The following ABCC12 variants were observed in gnomAD, a reference collection of about 807,000 sequenced individuals.
ABCC12 encodes ATP binding cassette subfamily C member 12.
Under a neutral mutation model 151.1 loss-of-function variants are expected in ABCC12, and 142 were observed. The observed-to-expected ratio is 0.94, with a 90% CI of 0.82 to 1.08. The LOEUF (loss-of-function observed/expected upper bound fraction) is 1.08, where lower values mean the gene tolerates loss of function less well. Among genes scored for constraint, ABCC12 ranks in the 50% least tolerant of loss-of-function variants. The pLI, the probability that ABCC12 is intolerant of heterozygous loss-of-function variation, is 0.00. For synonymous variants in ABCC12, 645 were observed against 646.4 expected (o/e 1.00, Z 0.03); for missense variants, 1,638 against 1,691.1 (o/e 0.97, Z 0.55).
At chr16:48,085,158 G>A (rs918637929) in intron 29 of ABCC12, among the ~76,000 whole-genome samples, 3 of 152,066 alleles carry the variant, frequency 2.0e-5, no homozygotes, top group Non-Finnish European at 2.9e-5. Flanking sequence ...TCCCTTCCTG[G>A]AAATCAGTAA....
intron 22 of ABCC12, among the ~76,000 whole-genome samples, chr16:48,102,667 GC>G (rs1314998721): frequency 6.6e-6 from 1 of 152,120 alleles, no homozygotes; most frequent in African/African-American, 2.4e-5. Context: ...CAGCTCTCCT[GC>G]CCCAGTACAT....
At chr16:48,086,540 T>C in intron 28 of ABCC12, 1 of 561,364 alleles carries the variant, frequency 1.8e-6, no homozygotes, top group Non-Finnish European at 3.2e-6. Flanking sequence ...GTAGTGCTCT[T>C]GACTGGATCA....
chr16:48,115,392 C>T (rs375816259), intron 15 of ABCC12, 23 bp downstream of exon 15: 20 of 1,611,624 alleles, frequency 1.2e-5, no homozygotes, highest in African/African-American at 6.7e-5. Flanking sequence ...CCGTGACCTC[C>T]TGGATCCTGC....
intron 2 of ABCC12, among the ~76,000 whole-genome samples, chr16:48,148,501 G>C (rs988816467): frequency 2.6e-5 from 4 of 152,152 alleles, no homozygotes; most frequent in Admixed American, 1.3e-4. Flanking sequence ...CCTCCCAAAA[G>C]TGCTGGGATT....
intron 20 of ABCC12, among the ~76,000 whole-genome samples, chr16:48,107,071 G>C (rs1369323922): frequency 6.6e-6 from 1 of 152,218 alleles, no homozygotes; most frequent in Admixed American, 6.5e-5. Flanking sequence ...AGACAAGCTG[G>C]GGCACAGTCT....
Position 48,081,891 on chromosome 16 carries a change from C to T in ABCC12, c.*1824G>A, listed in dbSNP as rs993893374. ...GGTGTCCAGTTGGTAGAAAGTAAAG[C>T]ATCCCTCCCTGACATTGCACAACTG... is the stretch of plus-strand genomic sequence containing the variant. On this transcript the variant is annotated 3_prime_UTR_variant, in exon 31 of 31. Transcript: ENST00000311303. 6.6e-6 allele frequency among the ~76,000 whole-genome samples: 1 copy of T among 152,224 alleles called. No individual in the cohort carries two copies. The highest frequency in any genetic ancestry group is 1.9e-4 in the East Asian group (1 of 5,200).
At chr16:48,120,846 G>A (rs545999401) in intron 13 of ABCC12, among the ~76,000 whole-genome samples, 9 of 152,240 alleles carry the variant, frequency 5.9e-5, no homozygotes, top group South Asian at 2.1e-4. Flanking sequence ...GAGCCACTGC[G>A]CCCAGCTAAT....
rs77973561 is a variant in ABCC12 at position 48,142,996 on chromosome 16, G to A, written c.275+914C>T. 2.0e-3 allele frequency among the ~76,000 whole-genome samples: 308 copies of A among 152,146 alleles called. 1 individual carries two copies. The highest frequency in any genetic ancestry group is 6.9e-3 in the African/African-American group (288 of 41,506). The stretch of plus-strand genomic sequence containing the variant: ...AGGAGCATGGGAGAGATCCTTCCAC[G>A]GCTTAAACTTCTGCTGCTTTCACAT... On this transcript the variant is annotated intron_variant, in intron 4 of 30. Transcript: ENST00000311303.
rs1308002957 is a variant in ABCC12, at chr16:48,101,073, C to T, written c.2901-64G>A. 45 of 1,574,450 alleles carry T rather than the reference C, an allele frequency of 2.9e-5. No individual in the cohort carries two copies. The Admixed American group carries it at 7.9e-4, about 28-fold the overall frequency. On this transcript the variant is annotated intron_variant, in intron 22 of 30. Transcript: ENST00000311303. ...TGAGGTCTCATCAGGCTTGCCCTCA[C>T]ACATACAGAGCCAACTAGGCACTCA...
chr16:48,150,846 T>C (rs1965107519), intron 2 of ABCC12, among the ~76,000 whole-genome samples: 1 of 152,190 alleles, frequency 6.6e-6, no homozygotes, highest in Non-Finnish European at 1.5e-5. Context: ...AACAGTGAGT[T>C]CATACTGACT....
intron 2 of ABCC12, among the ~76,000 whole-genome samples, chr16:48,151,789 A>G (rs925470229): frequency 1.3e-5 from 2 of 152,218 alleles, no homozygotes; most frequent in Non-Finnish European, 2.9e-5. Context: ...GTAATATCTG[A>G]TCATAAGTTT....
In ABCC12 at chr16:48,083,485, C is replaced by T; in HGVS notation, c.*230G>A. The T allele has an allele frequency of 2.0e-6, 1 of 502,150 alleles. No individual in the cohort carries two copies. The highest frequency in any genetic ancestry group is 3.5e-5 in the South Asian group (1 of 28,944). The allele number at this position is 502,150 out of a possible 1,614,324, so 31.1% of individuals were successfully genotyped here. A position where few individuals can be genotyped will look rare whatever the true frequency, so the allele number is the denominator to read the frequency against. ...GGAGGTGAAGGGCAGTTTTTTAATC[C>T]ATTAGCTGGGTCTGCCCCGGTTCAC... is the stretch of plus-strand genomic sequence containing the variant. On this transcript the variant is annotated 3_prime_UTR_variant, in exon 31 of 31. Transcript: ENST00000311303.
intron 15 of ABCC12, 130 bp from the exon 16 acceptor site, chr16:48,112,040 G>A: frequency 8.5e-7 from 1 of 1,171,494 alleles, no homozygotes; most frequent in South Asian, 1.6e-5. Context: ...GGGCTGTCCT[G>A]TGCATTGTAG....
chr16:48,110,314 AT>A (rs922355597), intron 18 of ABCC12, among the ~76,000 whole-genome samples: 5 of 151,446 alleles, frequency 3.3e-5, no homozygotes, highest in East Asian at 3.9e-4. Flanking sequence ...GTTAGCAGAG[AT>A]TTTTTTTTCT....
chr16:48,103,619 C>T (rs942342345), intron 22 of ABCC12, among the ~76,000 whole-genome samples: 11 of 152,188 alleles, frequency 7.2e-5, no homozygotes, highest in Admixed American at 3.9e-4. Flanking sequence ...TTTGCCCTCA[C>T]CCAATACCCA....
In ABCC12 at chr16:48,133,724, C is replaced by A. The variant is rs1372069741; in HGVS notation, c.1091G>T (p.Cys364Phe). ...GAGTTTGCGTCTCAGGAGGATGTGG[C>A]AGGATAATGTCAGCACGATGGCTAT... ...STIAIVLTLS[C>F]HILLRRKLTA... The change falls in exon 9 of 31, where the codon TGC becomes TTC. Residue 364 changes from cysteine to phenylalanine, a missense_variant. Coordinates refer to ENST00000311303, the MANE Select transcript of ABCC12 (RefSeq NM_001393797.1). 1.2e-6 allele frequency: 2 copies of A among 1,614,046 alleles called. No homozygotes were observed. Among genetic ancestry groups the A allele is most frequent in the Non-Finnish European group, 1.7e-6 (2 of 1,179,996 alleles).
At chr16:48,121,986 A>G in intron 12 of ABCC12, 146 bp from the exon 13 acceptor site, 1 of 1,203,910 alleles carries the variant, frequency 8.3e-7, no homozygotes, top group East Asian at 2.5e-5. Flanking sequence ...TCCATGCACC[A>G]GAAAGCCCAA....
chr16:48,133,440 T>C (rs1964498154), intron 9 of ABCC12, among the ~76,000 whole-genome samples: 1 of 150,752 alleles, frequency 6.6e-6, no homozygotes, highest in South Asian at 2.1e-4. Flanking sequence ...GCAGAAGAAT[T>C]GCTTGAACCC....
chr16:48,088,828 T>C, intron 25 of ABCC12, 94 bp from the exon 26 acceptor site: 3 of 1,092,832 alleles, frequency 2.7e-6, no homozygotes, highest in Non-Finnish European at 3.9e-6. Context: ...TTTCAGGTAC[T>C]GCTATTCATG....
Sources: allele counts gnomAD v4.1 joint callset (sites outside exome capture counted in the v4.1 genomes callset), GRCh38; gene constraint gnomAD v4.1.1; transcripts MANE v1.5; gene names NCBI Gene and HGNC (gene_info 2026-07-23, HGNC 2026-07-21).